ROCK1: variants seen among roughly 807,000 people sequenced by gnomAD.
ROCK1 encodes Rho associated coiled-coil containing protein kinase 1.
Under a neutral mutation model 196.8 loss-of-function variants are expected in ROCK1, and 36 were observed. The observed-to-expected ratio is 0.18, with a 90% CI of 0.14 to 0.24. The LOEUF (loss-of-function observed/expected upper bound fraction) is 0.24, where lower values mean the gene tolerates loss of function less well. Among genes scored for constraint, ROCK1 ranks in the 10% least tolerant of loss-of-function variants. The pLI is 1.00. For missense variants in ROCK1, 920 were observed against 1,562.0 expected (o/e 0.59, Z 6.93); for synonymous variants, 443 against 515.9 (o/e 0.86, Z 1.91).
chr18:21,076,781 C>T (rs938421686), intron 1 of ROCK1, among the ~76,000 whole-genome samples: 1 of 151,726 alleles, frequency 6.6e-6, no homozygotes, highest in Non-Finnish European at 1.5e-5. Context: ...TCTCCTTCAC[C>T]GACAGAAACA....
chr18:20,973,673 A>C (rs1310868045), intron 22 of ROCK1, among the ~76,000 whole-genome samples: 1 of 152,182 alleles, frequency 6.6e-6, no homozygotes, highest in Non-Finnish European at 1.5e-5. Flanking sequence ...CATCAGAAGG[A>C]AGGCAGGGTT....
chr18:21,054,795 C>T lies in ROCK1; in HGVS notation c.176-4915G>A, dbSNP rs1049452421. ...TTCTCTCCTTCAATGATCTTGTCCT[C>T]TACCTTACCTTGGTCACTCATTTCC... On this transcript the variant is annotated intron_variant, in intron 2 of 32. Transcript: ENST00000399799. 7.9e-5 allele frequency among the ~76,000 whole-genome samples: 12 copies of T among 152,174 alleles called. No individual in the cohort carries two copies. The South Asian group carries it at 2.5e-3, about 32-fold the overall frequency.
intron 27 of ROCK1, among the ~76,000 whole-genome samples, chr18:20,966,407 C>T (rs1233842731): frequency 6.6e-6 from 1 of 152,112 alleles, no homozygotes. Context: ...CTGCACTGCC[C>T]AACCCATTTT....
At chr18:21,032,702 T>G (rs2036019958) in intron 9 of ROCK1, among the ~76,000 whole-genome samples, 1 of 142,524 alleles carries the variant, frequency 7.0e-6, no homozygotes, top group African/African-American at 2.8e-5. Context: ...TTTTTTTTTT[T>G]GTAGAGATGA....
At chr18:21,099,357 C>T (rs2036638517) in intron 1 of ROCK1, among the ~76,000 whole-genome samples, 2 of 151,088 alleles carry the variant, frequency 1.3e-5, no homozygotes, top group Non-Finnish European at 3.0e-5. Context: ...AATGTCAAAT[C>T]AAAAAAAAGA....
chr18:21,035,885 A>T (rs1020880458), intron 9 of ROCK1, among the ~76,000 whole-genome samples: 2 of 152,182 alleles, frequency 1.3e-5, no homozygotes, highest in Non-Finnish European at 2.9e-5. Context: ...ATTCATAGAG[A>T]CAGAAAGAAT....
At chr18:21,008,545 T>G (rs1403247641) in intron 13 of ROCK1, among the ~76,000 whole-genome samples, 1 of 152,200 alleles carries the variant, frequency 6.6e-6, no homozygotes, top group Admixed American at 6.5e-5. Context: ...AGTACTGGGA[T>G]AACAGGCATG....
At chr18:21,030,796 GT>G (rs1407690056) in intron 9 of ROCK1, among the ~76,000 whole-genome samples, 2 of 152,084 alleles carry the variant, frequency 1.3e-5, no homozygotes, top group Non-Finnish European at 2.9e-5. Context: ...TAGAAATCAT[GT>G]TCCATAAAAA....
intron 2 of ROCK1, among the ~76,000 whole-genome samples, chr18:21,063,279 TTAAA>T (rs1326874326): frequency 2.6e-5 from 4 of 152,084 alleles, no homozygotes; most frequent in Non-Finnish European, 5.9e-5. Context: ...CAGGTACCAA[TTAAA>T]TAGTCATACA....
intron 22 of ROCK1, among the ~76,000 whole-genome samples, chr18:20,976,393 T>C (rs1568372802): frequency 6.6e-6 from 1 of 152,114 alleles, no homozygotes. Flanking sequence ...TACACAAACA[T>C]ACACCTAAAA....
Position 20,982,759 on chromosome 18 carries a change from T to C in ROCK1, c.2559+4A>G. On this transcript the variant is annotated splice_donor_region_variant and intron_variant, in intron 21 of 32. Coordinates refer to ENST00000399799, the MANE Select transcript of ROCK1 (RefSeq NM_005406.3). ...TGTGTATGTTAAAAATGATTCTCAC[T>C]TACCGAGAAATATTGCTCAGCTTCA... is the stretch of plus-strand genomic sequence containing the variant. The C allele has an allele frequency of 6.8e-7, 1 of 1,473,238 alleles. No individual in the cohort carries two copies. Among genetic ancestry groups the C allele is most frequent in the East Asian group, 2.3e-5 (1 of 44,116 alleles). 91.3% of individuals were successfully genotyped at this position (1,473,238 alleles called of 1,614,324 possible). A position where few individuals can be genotyped will look rare whatever the true frequency, so the allele number is the denominator to read the frequency against.
chr18:21,018,536 A>C (rs1397487224), intron 12 of ROCK1, among the ~76,000 whole-genome samples: 2 of 152,028 alleles, frequency 1.3e-5, no homozygotes, highest in African/African-American at 4.8e-5. Flanking sequence ...GTCTCAAAAA[A>C]AAAAAAAAAA....
At chr18:20,962,441 A>G (rs1429509764) in intron 27 of ROCK1, among the ~76,000 whole-genome samples, 2 of 152,194 alleles carry the variant, frequency 1.3e-5, no homozygotes, top group African/African-American at 4.8e-5. Flanking sequence ...AATTCTTGAC[A>G]TTTACACAAA....
At chr18:21,086,137 A>C (rs1472023949) in intron 1 of ROCK1, among the ~76,000 whole-genome samples, 2 of 143,210 alleles carry the variant, frequency 1.4e-5, no homozygotes, top group African/African-American at 5.2e-5. Flanking sequence ...TTTGAGACTG[A>C]GTCTCACTCT....
intron 26 of ROCK1, 80 bp downstream of exon 26, chr18:20,967,672 A>C: frequency 1.8e-6 from 2 of 1,108,420 alleles, no homozygotes; most frequent in Non-Finnish European, 2.5e-6. Context: ...AAACAAGATA[A>C]ATAGATAACA....
intron 2 of ROCK1, among the ~76,000 whole-genome samples, chr18:21,057,770 G>A (rs1000776403): frequency 4.6e-5 from 7 of 152,058 alleles, no homozygotes; most frequent in South Asian, 2.1e-4. Flanking sequence ...GCAGTAAGCC[G>A]AGTTTGGGCC....
intron 1 of ROCK1, among the ~76,000 whole-genome samples, chr18:21,089,859 A>C (rs1257429469): frequency 2.0e-5 from 3 of 152,234 alleles, no homozygotes; most frequent in African/African-American, 7.2e-5. Flanking sequence ...ACACCATCAT[A>C]AAGTGGAAAA....
rs1278085853 is a variant in ROCK1 at position 21,039,517 on chromosome 18, G to T, written c.1006C>A (p.Leu336Ile). The T allele has an allele frequency of 6.2e-7, 1 of 1,613,688 alleles. No individual in the cohort carries two copies. The highest frequency in any genetic ancestry group is 1.7e-5 in the Admixed American group (1 of 59,982). The change falls in exon 9 of 33, where the codon CTC becomes ATC. Residue 336 changes from leucine to isoleucine, a missense_variant. Physicochemically the swap from Leu to Ile is conservative, Grantham distance 5 (BLOSUM62 2). Coordinates refer to ENST00000399799, the MANE Select transcript of ROCK1 (RefSeq NM_005406.3). ...RNGVEEIKRH[L>I]FFKNDQWAWE... ...GCCCACTGGTCATTTTTGAAGAAGA[G>T]ATGTCGTTTGATTTCTTCTACACCA...
At chr18:21,067,146 C>G (rs2036341702) in intron 2 of ROCK1, among the ~76,000 whole-genome samples, 1 of 152,000 alleles carries the variant, frequency 6.6e-6, no homozygotes, top group Admixed American at 6.6e-5. Context: ...CTTATTGTGG[C>G]CATAATTTGC....
Sources: gnomAD v4.1 joint callset for allele counts (sites outside exome capture counted in the v4.1 genomes callset) on GRCh38, gnomAD v4.1.1 for gene constraint, MANE v1.5 for transcripts, NCBI Gene and HGNC (gene_info 2026-07-23, HGNC 2026-07-21) for gene names.